ST6GALNAC3: variants seen among roughly 807,000 people sequenced by gnomAD.
The protein encoded by ST6GALNAC3 is ST6 N-acetylgalactosaminide alpha-2,6-sialyltransferase 3.
A neutral mutation model predicts 32.7 loss-of-function variants in ST6GALNAC3; 25 were observed. The observed-to-expected ratio is 0.76, with a 90% CI of 0.56 to 1.07. The LOEUF is 1.07. ST6GALNAC3 is among the 50% of genes least tolerant of loss of function. The probability of loss-of-function intolerance (pLI) is 0.00; values close to 1 mark genes in which losing one functional copy is unlikely to be tolerated. For missense variants in ST6GALNAC3, 355 were observed against 382.4 expected (o/e 0.93, Z 0.60); for synonymous variants, 129 against 133.1 (o/e 0.97, Z 0.21).
intron 2 of ST6GALNAC3, among the ~76,000 whole-genome samples, chr1:76,318,110 TAA>T (rs554177966): frequency 7.8e-6 from 1 of 128,798 alleles, no homozygotes; most frequent in African/African-American, 2.6e-5. Flanking sequence ...ATACAAAAAT[TAA>T]AATAAAAGGA....
intron 1 of ST6GALNAC3, among the ~76,000 whole-genome samples, chr1:76,086,455 C>A (rs1646965997): frequency 6.6e-6 from 1 of 152,102 alleles, no homozygotes; most frequent in African/African-American, 2.4e-5. Context: ...CCTAGAGGCT[C>A]ATATTTGTGT....
chr1:76,454,908 T>G (rs1342200001), intron 3 of ST6GALNAC3, among the ~76,000 whole-genome samples: 1 of 141,298 alleles, frequency 7.1e-6, no homozygotes, highest in Non-Finnish European at 1.6e-5. Flanking sequence ...AATTATTTAC[T>G]TGATAATTTT....
In ST6GALNAC3 at chr1:76,601,603, C is replaced by T. The variant is rs543777166; in HGVS notation, c.624-25849C>T. Among the ~76,000 whole-genome samples, 17 of 152,306 alleles carry T rather than the reference C, an allele frequency of 1.1e-4. No individual in the cohort carries two copies. In the South Asian group the frequency reaches 3.5e-3, roughly 32 times the overall value. ...CTGAAGCTAAATTCCAAGTTCTATGCTGTATTTCATTAACCCTCACAACAA... is the reference window on the plus strand; with the variant it reads ...CTGAAGCTAAATTCCAAGTTCTATGTTGTATTTCATTAACCCTCACAACAA... On this transcript the variant is annotated intron_variant, in intron 3 of 4. Transcript: ENST00000328299.
intron 1 of ST6GALNAC3, among the ~76,000 whole-genome samples, chr1:76,203,297 C>A (rs553705384): frequency 6.6e-6 from 1 of 152,134 alleles, no homozygotes; most frequent in Admixed American, 6.5e-5. Context: ...CCCTCCTCAC[C>A]GGGTGATTCC....
chr1:76,325,062 T>C (rs1356460808), intron 2 of ST6GALNAC3, among the ~76,000 whole-genome samples: 1 of 152,162 alleles, frequency 6.6e-6, no homozygotes, highest in African/African-American at 2.4e-5. Context: ...ATGAGAACAC[T>C]TGGATACAGG....
intron 3 of ST6GALNAC3, among the ~76,000 whole-genome samples, chr1:76,569,182 A>G (rs1665722120): frequency 6.6e-6 from 1 of 152,178 alleles, no homozygotes. Context: ...TTGAAGGGAA[A>G]GCAACAAAAA....
intron 1 of ST6GALNAC3, among the ~76,000 whole-genome samples, chr1:76,302,989 C>T (rs1309626019): frequency 3.3e-5 from 5 of 151,902 alleles, no homozygotes; most frequent in African/African-American, 1.2e-4. Flanking sequence ...TCCCATTAGC[C>T]TGATGTAAAT....
intron 1 of ST6GALNAC3, among the ~76,000 whole-genome samples, chr1:76,208,627 A>G (rs2100564623): frequency 6.6e-6 from 1 of 152,298 alleles, no homozygotes. Context: ...AAAGGTTGGA[A>G]GTGGCCCACA....
Position 76,628,622 on chromosome 1 carries a change from C to G in ST6GALNAC3, c.734C>G (p.Thr245Arg). The change falls in exon 5 of 5, where the codon ACA (threonine) becomes AGA (arginine). Residue 245 changes from threonine to arginine, a missense_variant and splice_region_variant. Transcript: ENST00000328299. The stretch of plus-strand genomic sequence containing the variant: ...TTTTCTTTTTTTTTCTTTTCTAGGA[C>G]AGAAGGGTATAGAAAAGTCCCCTAC... ...YGMINDTYCK[T>R]EGYRKVPYHY... is the part of the protein sequence containing the mutation. The G allele has an allele frequency of 6.3e-7, 1 of 1,592,608 alleles. No homozygotes were observed. The highest frequency in any genetic ancestry group is 8.5e-7 in the Non-Finnish European group (1 of 1,173,634).
chr1:76,264,909 T>A (rs532568299), intron 1 of ST6GALNAC3, among the ~76,000 whole-genome samples: 1 of 151,988 alleles, frequency 6.6e-6, no homozygotes, highest in Non-Finnish European at 1.5e-5. Flanking sequence ...TCTTTTTTTT[T>A]TTTTTTTAAC....
chr1:76,287,729 AG>A (rs1329815638), intron 1 of ST6GALNAC3, among the ~76,000 whole-genome samples: 8 of 152,202 alleles, frequency 5.3e-5, no homozygotes, highest in African/African-American at 1.9e-4. Context: ...CATTGTTAAA[AG>A]TTAGTCCATT....
intron 1 of ST6GALNAC3, among the ~76,000 whole-genome samples, chr1:76,212,671 C>A (rs1219221614): frequency 1.3e-5 from 2 of 151,734 alleles, no homozygotes; most frequent in Non-Finnish European, 2.9e-5. Context: ...ATTTTTTTTT[C>A]CCCGCTAGAA....
intron 1 of ST6GALNAC3, among the ~76,000 whole-genome samples, chr1:76,213,133 A>T (rs1298479553): frequency 6.6e-6 from 1 of 152,170 alleles, no homozygotes; most frequent in Admixed American, 6.5e-5. Context: ...ACATAATGGG[A>T]ACTGTGCAAC....
At chr1:76,302,122 GT>G (rs1660764085) in intron 1 of ST6GALNAC3, among the ~76,000 whole-genome samples, 1 of 151,990 alleles carries the variant, frequency 6.6e-6, no homozygotes, top group Non-Finnish European at 1.5e-5. Flanking sequence ...TTTTTAAAAT[GT>G]TTTTCCACAT....
chr1:76,415,171 C>CTTTTTTTTTTT (rs71072000), intron 3 of ST6GALNAC3, among the ~76,000 whole-genome samples: 1 of 70,462 alleles, frequency 1.4e-5, no homozygotes, highest in Non-Finnish European at 2.6e-5. Context: ...GGATTCATGT[C>CTTTTTTTTTTT]TTTTTTTTTT....
intron 1 of ST6GALNAC3, among the ~76,000 whole-genome samples, chr1:76,239,310 G>A (rs1057241975): frequency 6.6e-6 from 1 of 152,228 alleles, no homozygotes; most frequent in African/African-American, 2.4e-5. Context: ...CTCCTCTTCC[G>A]TGGAGGAAGG....
chr1:76,283,411 G>A (rs1328148349), intron 1 of ST6GALNAC3, among the ~76,000 whole-genome samples: 1 of 152,070 alleles, frequency 6.6e-6, no homozygotes, highest in Non-Finnish European at 1.5e-5. Context: ...TTCAGGCGCT[G>A]TGGTCTAGAG....
intron 1 of ST6GALNAC3, among the ~76,000 whole-genome samples, chr1:76,269,169 C>T (rs1200980208): frequency 6.6e-6 from 1 of 152,218 alleles, no homozygotes; most frequent in Admixed American, 6.5e-5. Flanking sequence ...TACTGTGGGT[C>T]ATGACCCTAC....
chr1:76,494,550 AACACACACACACACAC>A (rs55892265), intron 3 of ST6GALNAC3, among the ~76,000 whole-genome samples: 1 of 63,810 alleles, frequency 1.6e-5, no homozygotes, highest in Non-Finnish European at 3.1e-5. Flanking sequence ...CATGTGTATA[AACACACACACACACAC>A]ACACACACAC....
Sources: allele counts gnomAD v4.1 joint callset (sites outside exome capture counted in the v4.1 genomes callset), GRCh38; gene constraint gnomAD v4.1.1; transcripts MANE v1.5; gene names NCBI Gene and HGNC (gene_info 2026-07-23, HGNC 2026-07-21).